Variants in AUTS2 observed in about 807,000 individuals in gnomAD.
The protein encoded by AUTS2 is activator of transcription and developmental regulator AUTS2.
In AUTS2, 17 loss-of-function variants were observed where a neutral mutation model predicts 112.4. The observed-to-expected ratio is 0.15, with a 90% CI of 0.10 to 0.23. The LOEUF (loss-of-function observed/expected upper bound fraction) is 0.23, where lower values mean the gene tolerates loss of function less well. Among genes scored for constraint, AUTS2 ranks in the 10% least tolerant of loss-of-function variants. AUTS2 has a pLI of 1.00. For missense variants in AUTS2, 1,510 were observed against 1,701.6 expected (o/e 0.89, Z 1.98); for synonymous variants, 751 against 702.7 (o/e 1.07, Z -1.09).
At chr7:69,978,704 G>C (rs1798157681) in intron 2 of AUTS2, among the ~76,000 whole-genome samples, 1 of 151,824 alleles carries the variant, frequency 6.6e-6, no homozygotes, top group South Asian at 2.1e-4. Flanking sequence ...AATTTAGCTG[G>C]GTGTAGTGGT....
intron 2 of AUTS2, among the ~76,000 whole-genome samples, chr7:70,013,670 A>T (rs1467146151): frequency 6.6e-6 from 1 of 152,102 alleles, no homozygotes; most frequent in Non-Finnish European, 1.5e-5. Context: ...TACCCTCTTT[A>T]ACTTTTGCCA....
At chr7:70,033,748 G>T (rs1800881898) in intron 2 of AUTS2, among the ~76,000 whole-genome samples, 1 of 152,144 alleles carries the variant, frequency 6.6e-6, no homozygotes, top group Non-Finnish European at 1.5e-5. Context: ...TCACTCATAT[G>T]TGGGAGCTAC....
chr7:70,232,679 C>A (rs1250876356), intron 4 of AUTS2, among the ~76,000 whole-genome samples: 1 of 152,166 alleles, frequency 6.6e-6, no homozygotes, highest in Non-Finnish European at 1.5e-5. Flanking sequence ...TGCGCCCAGC[C>A]TGGGGTCTTG....
At chr7:70,110,986 C>T (rs1473696203) in intron 2 of AUTS2, among the ~76,000 whole-genome samples, 6 of 151,370 alleles carry the variant, frequency 4.0e-5, no homozygotes, top group African/African-American at 1.2e-4. Flanking sequence ...ATTCTCCTGC[C>T]TCAGCCCCAC....
At chr7:69,696,329 T>A (rs1166517709) in intron 1 of AUTS2, among the ~76,000 whole-genome samples, 1 of 152,216 alleles carries the variant, frequency 6.6e-6, no homozygotes, top group Non-Finnish European at 1.5e-5. Flanking sequence ...AACGTCAGCC[T>A]TCTCTAATGC....
chr7:70,058,531 C>T (rs1802096290), intron 2 of AUTS2, among the ~76,000 whole-genome samples: 1 of 151,828 alleles, frequency 6.6e-6, no homozygotes, highest in African/African-American at 2.4e-5. Flanking sequence ...TTCTTACAAT[C>T]TCTTTAAAAA....
chr7:69,661,396 G>GT (rs1795786213), intron 1 of AUTS2, among the ~76,000 whole-genome samples: 1 of 152,202 alleles, frequency 6.6e-6, no homozygotes, highest in African/African-American at 2.4e-5. Flanking sequence ...ATAGACCAAG[G>GT]TGGTTGGGGG....
intron 2 of AUTS2, among the ~76,000 whole-genome samples, chr7:70,111,281 T>A (rs1805075782): frequency 6.6e-6 from 1 of 152,210 alleles, no homozygotes; most frequent in Non-Finnish European, 1.5e-5. Context: ...ATAGCACAGT[T>A]GACTTTATGA....
chr7:70,276,377 CT>C (rs545099548), intron 4 of AUTS2, among the ~76,000 whole-genome samples: 4,732 of 139,792 alleles, frequency 0.034, 73 homozygotes, highest in Middle Eastern at 0.13. Context: ...AATTTTGTGA[CT>C]TTTTTTTTTT....
intron 5 of AUTS2, among the ~76,000 whole-genome samples, chr7:70,466,762 T>C (rs1470203008): frequency 6.6e-6 from 1 of 152,246 alleles, no homozygotes; most frequent in Non-Finnish European, 1.5e-5. Flanking sequence ...TGCAGGCATG[T>C]ACAGTTAGTC....
chr7:70,667,184 C>T (rs1157478712), intron 5 of AUTS2, among the ~76,000 whole-genome samples: 1 of 152,076 alleles, frequency 6.6e-6, no homozygotes, highest in Non-Finnish European at 1.5e-5. Context: ...ACAGAACACC[C>T]CGCACATTAA....
At chr7:70,072,915 T>A (rs1562663898) in intron 2 of AUTS2, among the ~76,000 whole-genome samples, 1 of 152,140 alleles carries the variant, frequency 6.6e-6, no homozygotes, top group Non-Finnish European at 1.5e-5. Context: ...CATTCAATAT[T>A]TTCACTAAAA....
At chr7:70,635,906 G>A (rs1277879226) in intron 5 of AUTS2, among the ~76,000 whole-genome samples, 1 of 152,148 alleles carries the variant, frequency 6.6e-6, no homozygotes, top group Non-Finnish European at 1.5e-5. Flanking sequence ...CAGCCAATTA[G>A]TCTGGAAATG....
intron 5 of AUTS2, among the ~76,000 whole-genome samples, chr7:70,534,384 T>C (rs558222668): frequency 2.7e-5 from 4 of 149,874 alleles, no homozygotes; most frequent in Admixed American, 6.7e-5. Context: ...CGGGGAGTTA[T>C]TGGGAATATG....
intron 4 of AUTS2, among the ~76,000 whole-genome samples, chr7:70,244,383 G>T (rs1812791182): frequency 1.3e-5 from 2 of 152,176 alleles, no homozygotes; most frequent in Admixed American, 1.3e-4. Flanking sequence ...ATTAGATAAT[G>T]CCAGCCAGGA....
chr7:69,870,447 T>TG (rs1793431984), intron 1 of AUTS2, among the ~76,000 whole-genome samples: 20 of 2,532 alleles, frequency 7.9e-3, no homozygotes, highest in Non-Finnish European at 6.8e-3. Flanking sequence ...TATGTGTGTG[T>TG]AATATATATA....
intron 2 of AUTS2, among the ~76,000 whole-genome samples, chr7:70,074,616 C>G (rs537689605): frequency 7.9e-4 from 120 of 152,202 alleles, no homozygotes; most frequent in Admixed American, 2.4e-3. Context: ...CCCTTTTCCA[C>G]TCCATTATAC....
chr7:70,090,036 A>AT (rs1803828513), intron 2 of AUTS2, among the ~76,000 whole-genome samples: 1 of 151,004 alleles, frequency 6.6e-6, no homozygotes, highest in South Asian at 2.1e-4. Context: ...AAATAAATAA[A>AT]TAAATAAATT....
intron 1 of AUTS2, among the ~76,000 whole-genome samples, chr7:69,897,875 G>A (rs1207983560): frequency 6.6e-6 from 1 of 152,182 alleles, no homozygotes; most frequent in African/African-American, 2.4e-5. Flanking sequence ...TGCATGTAAA[G>A]TTGGGAGTGC....
Sources: allele counts gnomAD v4.1 joint callset (sites outside exome capture counted in the v4.1 genomes callset), GRCh38; gene constraint gnomAD v4.1.1; transcripts MANE v1.5; gene names NCBI Gene and HGNC (gene_info 2026-07-23, HGNC 2026-07-21).